Variants in NAALADL2 observed in about 807,000 individuals in gnomAD.
NAALADL2 encodes the protein inactive N-acetylated-alpha-linked acidic dipeptidase-like protein 2.
A neutral mutation model predicts 87.2 loss-of-function variants in NAALADL2; 76 were observed. The observed-to-expected ratio is 0.87, with a 90% CI of 0.72 to 1.05. NAALADL2 has a LOEUF of 1.05. NAALADL2 is among the 50% of genes least tolerant of loss of function. The probability of loss-of-function intolerance (pLI) is 0.00; values close to 1 mark genes in which losing one functional copy is unlikely to be tolerated. For synonymous variants in NAALADL2, 354 were observed against 331.0 expected (o/e 1.07, Z -0.75); for missense variants, 1,089 against 945.8 (o/e 1.15, Z -1.99).
chr3:175,218,212 C>T, intron 2 of NAALADL2: 1 of 342,378 alleles, frequency 2.9e-6, no homozygotes, highest in South Asian at 2.3e-5. Context: ...TATGTAAATT[C>T]CCAAGAGGAG....
chr3:174,728,315 A>G (rs1229201700), intron 2 of NAALADL2, among the ~76,000 whole-genome samples: 1 of 152,062 alleles, frequency 6.6e-6, no homozygotes, highest in Admixed American at 6.6e-5. Flanking sequence ...AGGGAATATG[A>G]ACTTATAATA....
At chr3:175,766,160 T>A (rs1748655282) in intron 13 of NAALADL2, among the ~76,000 whole-genome samples, 1 of 152,154 alleles carries the variant, frequency 6.6e-6, no homozygotes, top group Admixed American at 6.5e-5. Flanking sequence ...TACTTCTGGA[T>A]AAGAGATATG....
intron 3 of NAALADL2, among the ~76,000 whole-genome samples, chr3:174,773,827 T>G (rs1714876493): frequency 6.6e-6 from 1 of 152,076 alleles, no homozygotes; most frequent in East Asian, 1.9e-4. Flanking sequence ...ACAATGATTG[T>G]CCCTTTATTT....
chr3:174,918,663 G>C (rs1734737763), intron 1 of NAALADL2, among the ~76,000 whole-genome samples: 2 of 152,042 alleles, frequency 1.3e-5, no homozygotes, highest in South Asian at 4.1e-4. Flanking sequence ...CCAAGAAGGG[G>C]GGCCCATAAG....
chr3:174,620,409 C>T (rs1187968548), intron 2 of NAALADL2, among the ~76,000 whole-genome samples: 1 of 151,932 alleles, frequency 6.6e-6, no homozygotes, highest in African/African-American at 2.4e-5. Flanking sequence ...ATTACATGAA[C>T]TACTTTCAGT....
rs185933708 is a variant in NAALADL2 at position 174,784,792 on chromosome 3, G to T, written c.-9+47046G>T. Among the ~76,000 whole-genome samples, 366 of 152,244 alleles carry T rather than the reference G, an allele frequency of 2.4e-3. 2 individuals carry two copies. Among genetic ancestry groups the T allele is most frequent in the African/African-American group, 8.3e-3 (344 of 41,550 alleles). On this transcript the variant is annotated intron_variant, in intron 3 of 3. Coordinates refer to the NAALADL2 transcript ENST00000434257. ...AATAATCCTTTAACTCAGAATTTTG[G>T]AATGTTTAGTCTCTTGTTTGTCATG...
At chr3:174,450,313 A>G (rs1577937708) in intron 1 of NAALADL2, among the ~76,000 whole-genome samples, 1 of 152,190 alleles carries the variant, frequency 6.6e-6, no homozygotes, top group East Asian at 1.9e-4. Flanking sequence ...ATCCTCACTG[A>G]CCAACTAAAA....
chr3:174,461,235 C>T lies in NAALADL2; in HGVS notation c.-184+20203C>T, dbSNP rs1417052652. On this transcript the variant is annotated intron_variant, in intron 1 of 3. Transcript: ENST00000434257. ...TTGTATGCAAAATGAATGTTTTATGCCAATGTTAATACTGATGACTGCAGG... is the reference window on the plus strand; with the variant it reads ...TTGTATGCAAAATGAATGTTTTATGTCAATGTTAATACTGATGACTGCAGG... Among the ~76,000 whole-genome samples, 4 of 151,874 alleles carry T rather than the reference C, an allele frequency of 2.6e-5. No individual in the cohort carries two copies. In the East Asian group the frequency reaches 5.8e-4, roughly 22 times the overall value.
In NAALADL2 at chr3:175,227,331, T is replaced by G. The variant is rs954266627; in HGVS notation, c.546-6600T>G. ...AAAGCCAAAATTCTCCCATTTCTAA[T>G]CTCCATTGGCCAATGGAACATTAAT... On this transcript the variant is annotated intron_variant, in intron 2 of 13. Transcript: ENST00000454872. Among the ~76,000 whole-genome samples, 18 of 151,870 alleles carry G rather than the reference T, an allele frequency of 1.2e-4. 1 individual carries two copies. Among genetic ancestry groups the G allele is most frequent in the African/African-American group, 4.1e-4 (17 of 41,380 alleles).
At chr3:175,188,157 G>A (rs954269936) in intron 2 of NAALADL2, among the ~76,000 whole-genome samples, 1 of 152,146 alleles carries the variant, frequency 6.6e-6, no homozygotes, top group Non-Finnish European at 1.5e-5. Context: ...TTGACAGAAT[G>A]AGTATTCTGA....
At chr3:175,679,179 T>A (rs1453133767) in intron 11 of NAALADL2, among the ~76,000 whole-genome samples, 2 of 151,914 alleles carry the variant, frequency 1.3e-5, no homozygotes, top group Non-Finnish European at 2.9e-5. Flanking sequence ...TTCAGTTACT[T>A]CAGGCCATCT....
In NAALADL2 at chr3:174,677,643, T is replaced by C. The variant is rs113139876; in HGVS notation, c.-114-59998T>C. On this transcript the variant is annotated intron_variant, in intron 2 of 3. Coordinates refer to the NAALADL2 transcript ENST00000434257. ...CACAACATTTTTATATATCAGTCAATCCATAACCTTGTTTTATGTGTGTTT... is the reference window on the plus strand; with the variant it reads ...CACAACATTTTTATATATCAGTCAACCCATAACCTTGTTTTATGTGTGTTT... 4.8e-3 allele frequency among the ~76,000 whole-genome samples: 735 copies of C among 152,236 alleles called. 8 individuals carry two copies. The highest frequency in any genetic ancestry group is 0.017 in the African/African-American group (711 of 41,576).
chr3:175,569,929 T>TGA (rs1717786162), intron 9 of NAALADL2, among the ~76,000 whole-genome samples: 1 of 151,746 alleles, frequency 6.6e-6, no homozygotes, highest in Non-Finnish European at 1.5e-5. Flanking sequence ...TGTGTGTGTG[T>TGA]GTATTTGTAG....
chr3:175,764,001 C>G (rs929555465), intron 13 of NAALADL2, among the ~76,000 whole-genome samples: 4 of 152,026 alleles, frequency 2.6e-5, no homozygotes, highest in African/African-American at 9.7e-5. Flanking sequence ...AAACATGAGC[C>G]AGTGTCTAAT....
intron 2 of NAALADL2, among the ~76,000 whole-genome samples, chr3:174,551,545 A>G (rs1426974114): frequency 6.6e-6 from 1 of 152,230 alleles, no homozygotes; most frequent in Middle Eastern, 3.2e-3. Context: ...CATGTTTCAG[A>G]CTGACAAAAG....
chr3:174,784,486 A>G (rs1163129511), intron 3 of NAALADL2, among the ~76,000 whole-genome samples: 1 of 152,208 alleles, frequency 6.6e-6, no homozygotes, highest in Non-Finnish European at 1.5e-5. Context: ...AATGTGCCTC[A>G]GTAGCTAGCA....
intron 5 of NAALADL2, among the ~76,000 whole-genome samples, chr3:175,353,733 A>G (rs1764040540): frequency 6.6e-6 from 1 of 152,248 alleles, no homozygotes; most frequent in Non-Finnish European, 1.5e-5. Context: ...CAAATATTTT[A>G]TCTAATTCCC....
chr3:175,508,881 C>T (rs1373864259), intron 9 of NAALADL2, among the ~76,000 whole-genome samples: 3 of 151,924 alleles, frequency 2.0e-5, no homozygotes, highest in East Asian at 1.9e-4. Context: ...TTTGGGAGGC[C>T]GAGGGAGGTA....
At chr3:174,974,880 T>C (rs1744163073) in intron 1 of NAALADL2, among the ~76,000 whole-genome samples, 1 of 152,162 alleles carries the variant, frequency 6.6e-6, no homozygotes, top group Admixed American at 6.5e-5. Context: ...TGTGGTTATA[T>C]GTCTAATCAG....
Sources: gnomAD v4.1 joint callset for allele counts (sites outside exome capture counted in the v4.1 genomes callset) on GRCh38, gnomAD v4.1.1 for gene constraint, MANE v1.5 for transcripts, NCBI Gene and HGNC (gene_info 2026-07-23, HGNC 2026-07-21) for gene names.